ESRRG: variants seen among roughly 807,000 people sequenced by gnomAD.
ESRRG encodes estrogen related receptor gamma, also known as estrogen-related receptor gamma.
In ESRRG, 13 loss-of-function variants were observed where a neutral mutation model predicts 44.0. The ratio of observed to expected loss-of-function variants is 0.30; its 90% CI spans 0.19 to 0.47. The LOEUF is 0.47. Among genes scored for constraint, ESRRG ranks in the 20% least tolerant of loss-of-function variants. The probability of loss-of-function intolerance (pLI) is 1.00; values close to 1 mark genes in which losing one functional copy is unlikely to be tolerated. For missense variants in ESRRG, 395 were observed against 580.6 expected, an observed-to-expected ratio of 0.68 and a Z score of 3.29; for synonymous variants, 215 against 214.6, an observed-to-expected ratio of 1.00 and a Z score of -0.02.
intron 2 of ESRRG, among the ~76,000 whole-genome samples, chr1:216,672,125 A>G (rs1259634369): frequency 1.3e-5 from 2 of 152,146 alleles, no homozygotes; most frequent in Non-Finnish European, 2.9e-5. Context: ...TGGAAAAAAA[A>G]TCAGAAGAAT....
At chr1:216,887,135 G>C (rs543867286) in intron 2 of ESRRG, among the ~76,000 whole-genome samples, 1 of 152,064 alleles carries the variant, frequency 6.6e-6, no homozygotes, top group Non-Finnish European at 1.5e-5. Flanking sequence ...GATCGTCCAA[G>C]TGGCAATTAA....
chr1:216,659,139 A>G (rs1370850109), intron 2 of ESRRG, among the ~76,000 whole-genome samples: 1 of 152,198 alleles, frequency 6.6e-6, no homozygotes, highest in African/African-American at 2.4e-5. Context: ...TTTTCTGAGG[A>G]AAAAGGAGAG....
chr1:216,612,846 A>G (rs1436667503), intron 3 of ESRRG, among the ~76,000 whole-genome samples: 1 of 152,240 alleles, frequency 6.6e-6, no homozygotes, highest in Admixed American at 6.5e-5. Context: ...TATGTTTCCT[A>G]TGCAAATACT....
chr1:216,507,961 TAA>T lies in ESRRG; in HGVS notation c.1133-780_1133-779del, dbSNP rs542187016. Among the ~76,000 whole-genome samples, 593 of 152,272 alleles carry T rather than the reference TAA, an allele frequency of 3.9e-3. 2 individuals are homozygous for T. The highest frequency in any genetic ancestry group is 0.014 in the African/African-American group (567 of 41,558). The stretch of plus-strand genomic sequence containing the variant: ...AGAAATGTGAGATGTGGGGAAAAAA[TAA>T]AAGTTACAGCTCCAGCTCTAAAGCA... On this transcript the variant is annotated intron_variant, in intron 6 of 6. Coordinates refer to ENST00000408911, the MANE Select transcript of ESRRG (RefSeq NM_001438.4).
intron 3 of ESRRG, among the ~76,000 whole-genome samples, chr1:216,578,473 T>C (rs2062097177): frequency 6.6e-6 from 1 of 152,016 alleles, no homozygotes; most frequent in African/African-American, 2.4e-5. Flanking sequence ...GTTTATCCAA[T>C]AGAGAGAAAT....
chr1:216,827,665 T>G (rs1157893568), intron 2 of ESRRG, among the ~76,000 whole-genome samples: 1 of 152,304 alleles, frequency 6.6e-6, no homozygotes, highest in Admixed American at 6.5e-5. Flanking sequence ...ATCTCACGAA[T>G]TGGTCAAATG....
At chr1:216,580,518 CTAA>C (rs1441497560) in intron 3 of ESRRG, among the ~76,000 whole-genome samples, 1 of 152,134 alleles carries the variant, frequency 6.6e-6, no homozygotes, top group African/African-American at 2.4e-5. Context: ...GAAGAACTGA[CTAA>C]TGAGAGAATT....
intron 1 of ESRRG, among the ~76,000 whole-genome samples, chr1:216,684,489 A>C (rs1205781844): frequency 6.6e-6 from 1 of 152,226 alleles, no homozygotes; most frequent in Non-Finnish European, 1.5e-5. Flanking sequence ...AAATCAATAA[A>C]ACTGTTAAAT....
intron 5 of ESRRG, among the ~76,000 whole-genome samples, chr1:216,538,577 A>G (rs2149233407): frequency 6.6e-6 from 1 of 152,210 alleles, no homozygotes; most frequent in East Asian, 1.9e-4. Context: ...AACGCAGGAT[A>G]AGCCTGAGAA....
chr1:216,979,174 C>A (rs924560585), intron 1 of ESRRG, among the ~76,000 whole-genome samples: 1 of 152,088 alleles, frequency 6.6e-6, no homozygotes, highest in Non-Finnish European at 1.5e-5. Context: ...CACCCCATAT[C>A]ACTGGCCCTA....
intron 2 of ESRRG, among the ~76,000 whole-genome samples, chr1:216,884,312 C>T (rs2096488568): frequency 6.6e-6 from 1 of 152,222 alleles, no homozygotes; most frequent in Non-Finnish European, 1.5e-5. Context: ...CAAAAGCCAA[C>T]AAAATCAAAT....
chr1:216,733,758 A>AG (rs1475714644), intron 2 of ESRRG, among the ~76,000 whole-genome samples: 1 of 151,996 alleles, frequency 6.6e-6, no homozygotes, highest in African/African-American at 2.4e-5. Context: ...TGGGAGCCTG[A>AG]GGGGGGCGGA....
rs143258289 is a variant in ESRRG at position 216,841,427 on chromosome 1, T to G, written c.-14+98155A>C. Among the ~76,000 whole-genome samples the G allele has an allele frequency of 5.0e-3, 768 of 152,252 alleles. 6 individuals are homozygous for G. The highest frequency in any genetic ancestry group is 0.017 in the African/African-American group (720 of 41,528). ...ATCAGTTTGTACACTATCCTTGTCC[T>G]GAGGGATTTTACAGGAATTCAATCA... On this transcript the variant is annotated intron_variant, in intron 2 of 7. Coordinates refer to the ESRRG transcript ENST00000359162.
intron 1 of ESRRG, among the ~76,000 whole-genome samples, chr1:216,978,610 T>A (rs577417490): frequency 6.6e-6 from 1 of 152,200 alleles, no homozygotes; most frequent in African/African-American, 2.4e-5. Flanking sequence ...TCTAGTCTCA[T>A]GGACAACCCA....
intron 1 of ESRRG, among the ~76,000 whole-genome samples, chr1:216,989,090 C>CTT (rs2075293307): frequency 2.0e-5 from 3 of 152,078 alleles, no homozygotes; most frequent in Admixed American, 2.0e-4. Context: ...AATGACCTGT[C>CTT]TGAATATTCT....
chr1:216,523,910 A>T (rs951785175), intron 5 of ESRRG, among the ~76,000 whole-genome samples: 1 of 151,934 alleles, frequency 6.6e-6, no homozygotes, highest in Non-Finnish European at 1.5e-5. Context: ...TAATTATGCC[A>T]TAATGACTCA....
Position 216,525,714 on chromosome 1 carries a change from T to C in ESRRG, c.863-6293A>G, listed in dbSNP as rs1326332430. Among the ~76,000 whole-genome samples, 3 of 152,274 alleles carry C rather than the reference T, an allele frequency of 2.0e-5. No homozygotes were observed. In the East Asian group the frequency reaches 5.8e-4, roughly 29 times the overall value. The stretch of plus-strand genomic sequence containing the variant: ...GCATTTTTCAGTCTAACTTTGGGAT[T>C]AGATGGATACTGAATAGGGAAAAAC... On this transcript the variant is annotated intron_variant, in intron 5 of 6. Coordinates refer to ENST00000408911, the MANE Select transcript of ESRRG (RefSeq NM_001438.4).
intron 2 of ESRRG, among the ~76,000 whole-genome samples, chr1:216,733,939 C>T (rs1468879435): frequency 1.3e-5 from 2 of 149,474 alleles, no homozygotes; most frequent in African/African-American, 2.5e-5. Context: ...GTGGAGGTCG[C>T]GCCACTGCAC....
intron 1 of ESRRG, among the ~76,000 whole-genome samples, chr1:216,699,783 G>C (rs1161814717): frequency 1.3e-5 from 2 of 152,136 alleles, no homozygotes; most frequent in Non-Finnish European, 2.9e-5. Flanking sequence ...ACCTCTTGCT[G>C]AAAAAGTCAG....
Sources: allele counts gnomAD v4.1 joint callset (sites outside exome capture counted in the v4.1 genomes callset), GRCh38; gene constraint gnomAD v4.1.1; transcripts MANE v1.5; gene names NCBI Gene and HGNC (gene_info 2026-07-23, HGNC 2026-07-21).